The following SDC2 variants were observed in gnomAD, a reference collection of about 807,000 sequenced individuals.
The protein encoded by SDC2 is syndecan 2.
A neutral mutation model predicts 22.2 loss-of-function variants in SDC2; 13 were observed. That is an observed-to-expected ratio of 0.59 (90% CI 0.38 to 0.93). The LOEUF is 0.93. SDC2 is among the 40% of genes least tolerant of loss of function. The pLI, the probability that SDC2 is intolerant of heterozygous loss-of-function variation, is 0.00. For synonymous variants in SDC2, 94 were observed against 92.8 expected, an observed-to-expected ratio of 1.01 and a Z score of -0.07; for missense variants, 235 against 246.8, an observed-to-expected ratio of 0.95 and a Z score of 0.32.
chr8:96,521,333 C>A (rs1210165811), intron 1 of SDC2, among the ~76,000 whole-genome samples: 1 of 152,104 alleles, frequency 6.6e-6, no homozygotes, highest in Non-Finnish European at 1.5e-5. Flanking sequence ...ATAGATCATT[C>A]CAGTAGCTAC....
chr8:96,516,862 CTA>C (rs753486584), intron 1 of SDC2, among the ~76,000 whole-genome samples: 17 of 152,230 alleles, frequency 1.1e-4, no homozygotes, highest in Admixed American at 2.0e-4. Flanking sequence ...AACCTTTTGG[CTA>C]TTAGGAGTAA....
At chr8:96,577,798 T>C (rs899528458) in intron 1 of SDC2, among the ~76,000 whole-genome samples, 2 of 152,254 alleles carry the variant, frequency 1.3e-5, no homozygotes, top group Non-Finnish European at 2.9e-5. Flanking sequence ...TCTGTAGTTA[T>C]GCCTTTCCAA....
At chr8:96,559,101 G>A (rs181699522) in intron 1 of SDC2, among the ~76,000 whole-genome samples, 7 of 152,288 alleles carry the variant, frequency 4.6e-5, no homozygotes, top group Admixed American at 4.6e-4. Flanking sequence ...AGTCTGGGCT[G>A]GGTGCTTGCT....
At chr8:96,499,039 A>T (rs1813118987) in intron 1 of SDC2, among the ~76,000 whole-genome samples, 1 of 151,972 alleles carries the variant, frequency 6.6e-6, no homozygotes, top group African/African-American at 2.4e-5. Flanking sequence ...CCTCTGCTGG[A>T]TTTATAAGCG....
chr8:96,607,236 G>A (rs1815096669), intron 3 of SDC2, among the ~76,000 whole-genome samples: 1 of 152,022 alleles, frequency 6.6e-6, no homozygotes, highest in East Asian at 1.9e-4. Context: ...TTTTCTACTG[G>A]GAGTAAGTGG....
Position 96,562,371 on chromosome 8 carries a change from C to CAGATG in SDC2, c.61-31109_61-31108insAGATG, listed in dbSNP as rs1814223971. On this transcript the variant is annotated intron_variant, in intron 1 of 4. Coordinates refer to ENST00000302190, the MANE Select transcript of SDC2 (RefSeq NM_002998.4). ...ACTTAATGCTGAAAAGAGGTGGCAT[C>CAGATG]TTTCCCTGGGGCTGCCTCCCCTGCT... 2.0e-5 allele frequency among the ~76,000 whole-genome samples: 3 copies of CAGATG among 152,304 alleles called. No homozygotes were observed. The South Asian group carries it at 6.2e-4, about 32-fold the overall frequency.
rs779431759 is a variant in SDC2, at chr8:96,514,981, C to T, written c.60+20650C>T. On this transcript the variant is annotated intron_variant, in intron 1 of 4. Coordinates refer to ENST00000302190, the MANE Select transcript of SDC2 (RefSeq NM_002998.4). ...TCTTGATTTTTCCTGTGCTAGCGCT[C>T]ACTTCCATGTTTCCTTCTTTATTCT... 5.3e-5 allele frequency among the ~76,000 whole-genome samples: 8 copies of T among 152,260 alleles called. No homozygotes were observed. The East Asian group carries it at 1.5e-3, about 29-fold the overall frequency.
intron 1 of SDC2, among the ~76,000 whole-genome samples, chr8:96,547,691 C>A (rs889316329): frequency 1.3e-5 from 2 of 150,306 alleles, no homozygotes; most frequent in Non-Finnish European, 3.0e-5. Flanking sequence ...TTAAAGGATT[C>A]TTTTTGTTAA....
At chr8:96,542,283 G>C (rs1489322946) in intron 1 of SDC2, among the ~76,000 whole-genome samples, 1 of 152,102 alleles carries the variant, frequency 6.6e-6, no homozygotes, top group South Asian at 2.1e-4. Flanking sequence ...TTTATTTGAT[G>C]TGCATGTATC....
At chr8:96,582,766 A>G (rs565901216) in intron 1 of SDC2, among the ~76,000 whole-genome samples, 1 of 152,292 alleles carries the variant, frequency 6.6e-6, no homozygotes, top group South Asian at 2.1e-4. Context: ...TCGGAGGCAC[A>G]GGGCTCAAGT....
In SDC2 at chr8:96,494,138, C is replaced by CCCGAGCCT. The variant is rs1386181475; in HGVS notation, c.-133_-126dup. ...CGCCCCCGAGCCCCGAGCCCGAGTCCCCGAGCCTGAGCCGCAATCGCTGCG... is the reference window on the plus strand; with the variant it reads ...CGCCCCCGAGCCCCGAGCCCGAGTCCCCGAGCCTCCGAGCCTGAGCCGCAATCGCTGCG... On this transcript the variant is annotated 5_prime_UTR_variant, in exon 1 of 5. Coordinates refer to ENST00000302190, the MANE Select transcript of SDC2 (RefSeq NM_002998.4). 2 of 911,314 alleles carry CCCGAGCCT rather than the reference C, an allele frequency of 2.2e-6. No homozygotes were observed. Among genetic ancestry groups the CCCGAGCCT allele is most frequent in the Admixed American group, 3.1e-5 (1 of 32,056 alleles). 56.5% of individuals were successfully genotyped at this position (911,314 alleles called of 1,614,324 possible).
intron 1 of SDC2, among the ~76,000 whole-genome samples, chr8:96,518,934 G>T (rs1421134293): frequency 2.6e-5 from 4 of 152,156 alleles, no homozygotes; most frequent in African/African-American, 9.7e-5. Flanking sequence ...AAGTGTGCAT[G>T]TCTGTCTTGT....
In SDC2 at chr8:96,585,302, C is replaced by G. The variant is rs114355992; in HGVS notation, c.61-8178C>G. On this transcript the variant is annotated intron_variant, in intron 1 of 4. Transcript: ENST00000302190. Reference sequence around the variant, plus strand: ...TGTAATTATTTTGATTAAAAATGTACGAAATGTGTCAAGAGTTTGGGTGAA... The same window carrying G: ...TGTAATTATTTTGATTAAAAATGTAGGAAATGTGTCAAGAGTTTGGGTGAA... Among the ~76,000 whole-genome samples, 488 of 152,216 alleles carry G rather than the reference C, an allele frequency of 3.2e-3. 3 individuals are homozygous for G. Among genetic ancestry groups the G allele is most frequent in the African/African-American group, 0.011 (442 of 41,534 alleles).
At chr8:96,566,267 GTTGACT>G (rs1171604871) in intron 1 of SDC2, among the ~76,000 whole-genome samples, 1 of 152,222 alleles carries the variant, frequency 6.6e-6, no homozygotes, top group Non-Finnish European at 1.5e-5. Context: ...GAATATTGTA[GTTGACT>G]TTGAGAATTC....
intron 1 of SDC2, among the ~76,000 whole-genome samples, chr8:96,518,728 GTC>G (rs1813448603): frequency 6.6e-6 from 1 of 152,142 alleles, no homozygotes; most frequent in Non-Finnish European, 1.5e-5. Context: ...TTATTCTTGG[GTC>G]CGTGGGAATT....
chr8:96,500,922 T>C (rs928770205), intron 1 of SDC2, among the ~76,000 whole-genome samples: 2 of 152,200 alleles, frequency 1.3e-5, no homozygotes, highest in African/African-American at 4.8e-5. Context: ...TTGAAATCTT[T>C]GGAGATTTTC....
In SDC2 at chr8:96,569,788, C is replaced by T. The variant is rs80148904; in HGVS notation, c.61-23692C>T. ...GGAAGTTGGGTGTCTTCTCAAAGGT[C>T]GTTCACTTTGCTCCCTGCTTCTGGC... is the stretch of plus-strand genomic sequence containing the variant. On this transcript the variant is annotated intron_variant, in intron 1 of 4. Coordinates refer to ENST00000302190, the MANE Select transcript of SDC2 (RefSeq NM_002998.4). Among the ~76,000 whole-genome samples the T allele has an allele frequency of 1.3e-3, 198 of 152,236 alleles. 2 individuals carry two copies. The highest frequency in any genetic ancestry group is 0.01 in the Admixed American group (157 of 15,298).
At chr8:96,546,066 A>T (rs970081526) in intron 1 of SDC2, among the ~76,000 whole-genome samples, 1 of 152,196 alleles carries the variant, frequency 6.6e-6, no homozygotes, top group Admixed American at 6.5e-5. Flanking sequence ...CTCCTCTGTA[A>T]ACTGTTAAGG....
At chr8:96,576,414 C>CTTTTTTTT (rs1814502370) in intron 1 of SDC2, among the ~76,000 whole-genome samples, 5 of 14,836 alleles carry the variant, frequency 3.4e-4, no homozygotes, top group Non-Finnish European at 6.7e-4. Flanking sequence ...CTTTATTATT[C>CTTTTTTTT]TCTTTTTTTT....
Sources: allele counts gnomAD v4.1 joint callset (sites outside exome capture counted in the v4.1 genomes callset), GRCh38; gene constraint gnomAD v4.1.1; transcripts MANE v1.5; gene names NCBI Gene and HGNC (gene_info 2026-07-23, HGNC 2026-07-21).